Variants in ASB3 observed in about 807,000 individuals in gnomAD.
The protein encoded by ASB3 is ankyrin repeat and SOCS box containing 3.
ASB3 carries 41 observed loss-of-function variants against 54.5 expected under a neutral mutation model. That is an observed-to-expected ratio of 0.75 (90% CI 0.59 to 0.98). The LOEUF (loss-of-function observed/expected upper bound fraction) is 0.98. Ranked by LOEUF, ASB3 falls within the 50% of genes least tolerant of loss-of-function variation. ASB3 has a pLI of 0.00. For missense variants in ASB3, 733 were observed against 620.0 expected, an observed-to-expected ratio of 1.18 and a Z score of -1.94; for synonymous variants, 266 against 221.2, an observed-to-expected ratio of 1.20 and a Z score of -1.80.
At chr2:53,724,893 TAA>T (rs1670908755) in intron 5 of ASB3, among the ~76,000 whole-genome samples, 1 of 151,992 alleles carries the variant, frequency 6.6e-6, no homozygotes, top group African/African-American at 2.4e-5. Context: ...TCAAAGAACT[TAA>T]AACTACCATT....
chr2:53,689,534 T>C (rs141204617), intron 9 of ASB3, among the ~76,000 whole-genome samples: 117 of 152,346 alleles, frequency 7.7e-4, no homozygotes, highest in African/African-American at 2.7e-3. Flanking sequence ...TACAGACCAA[T>C]GATTCCTAAC....
chr2:53,767,642 AT>A (rs1673561815), intron 1 of ASB3: 2 of 514,990 alleles, frequency 3.9e-6, no homozygotes, highest in Non-Finnish European at 7.0e-6. Flanking sequence ...CTGCAAAAGA[AT>A]CCATTGCTTA....
chr2:53,671,201 T>TA (rs1219099271), intron 9 of ASB3, among the ~76,000 whole-genome samples: 1 of 152,260 alleles, frequency 6.6e-6, no homozygotes, highest in East Asian at 1.9e-4. Flanking sequence ...TAAGCCCATG[T>TA]ACTTCACTCA....
chr2:53,732,027 G>A (rs10191635), intron 3 of ASB3, among the ~76,000 whole-genome samples: 2,043 of 151,892 alleles, frequency 0.013, 52 homozygotes, highest in African/African-American at 0.047. Context: ...GCGCAAACTC[G>A]GCTTACTGCA....
chr2:53,721,050 G>A (rs1336252739), intron 5 of ASB3, among the ~76,000 whole-genome samples: 1 of 151,026 alleles, frequency 6.6e-6, no homozygotes, highest in African/African-American at 2.4e-5. Flanking sequence ...ACCAGGAGGG[G>A]GAGGTTGCAG....
intron 3 of ASB3, among the ~76,000 whole-genome samples, chr2:53,746,117 A>G (rs560957503): frequency 1.3e-4 from 20 of 151,838 alleles, no homozygotes; most frequent in South Asian, 8.4e-4. Context: ...CAAGACCCCA[A>G]CTCTACAAAA....
intron 9 of ASB3, among the ~76,000 whole-genome samples, chr2:53,693,414 C>G (rs530618081): frequency 4.6e-5 from 7 of 152,112 alleles, no homozygotes; most frequent in African/African-American, 1.7e-4. Context: ...TTATACCATA[C>G]CAACAGACTG....
At chr2:53,736,781 C>G (rs1310293595) in intron 3 of ASB3, among the ~76,000 whole-genome samples, 1 of 151,216 alleles carries the variant, frequency 6.6e-6, no homozygotes, top group Non-Finnish European at 1.5e-5. Flanking sequence ...GTGAGCAGAT[C>G]ACCTGAGGTC....
intron 1 of ASB3, chr2:53,767,981 T>G: frequency 6.2e-7 from 1 of 1,611,656 alleles, no homozygotes; most frequent in Non-Finnish European, 8.5e-7. Flanking sequence ...AGCAGGCGCT[T>G]CTGGCAGGGC....
chr2:53,700,840 G>A (rs929920674), intron 7 of ASB3, among the ~76,000 whole-genome samples: 3 of 152,088 alleles, frequency 2.0e-5, no homozygotes, highest in African/African-American at 7.2e-5. Context: ...GTACAAATGA[G>A]TATCTTTACT....
chr2:53,727,238 A>G (rs1671052885), intron 5 of ASB3, among the ~76,000 whole-genome samples: 1 of 152,230 alleles, frequency 6.6e-6, no homozygotes, highest in Non-Finnish European at 1.5e-5. Flanking sequence ...ATTATTTATA[A>G]CAGATGCCTT....
At chr2:53,776,646 C>G (rs182844925) in intron 1 of ASB3, among the ~76,000 whole-genome samples, 1 of 152,122 alleles carries the variant, frequency 6.6e-6, no homozygotes, top group East Asian at 1.9e-4. Context: ...CAGAAGAGCA[C>G]CATCTCTATA....
At chr2:53,745,093 G>A (rs1056586053) in intron 3 of ASB3, among the ~76,000 whole-genome samples, 1 of 152,088 alleles carries the variant, frequency 6.6e-6, no homozygotes, top group Non-Finnish European at 1.5e-5. Flanking sequence ...AAATAAAAAG[G>A]AAATCTATTT....
chr2:53,723,875 A>G lies in ASB3; in HGVS notation c.604+4837T>C, dbSNP rs143086551. Reference sequence around the variant, plus strand: ...ATAAACGGTGCTAGTATAGCTGGCTAGCTACATGTAGAAGAATGAAACTGG... The same window carrying G: ...ATAAACGGTGCTAGTATAGCTGGCTGGCTACATGTAGAAGAATGAAACTGG... On this transcript the variant is annotated intron_variant, in intron 5 of 9. Coordinates refer to ENST00000263634, the MANE Select transcript of ASB3 (RefSeq NM_016115.5). 2.5e-3 allele frequency among the ~76,000 whole-genome samples: 385 copies of G among 152,340 alleles called. 1 individual carries two copies. Among genetic ancestry groups the G allele is most frequent in the African/African-American group, 9.0e-3 (375 of 41,586 alleles).
chr2:53,694,612 A>G (rs1159059754), intron 8 of ASB3: 2 of 152,126 alleles, frequency 1.3e-5, no homozygotes, highest in East Asian at 3.9e-4. Context: ...TTCTTTCAAA[A>G]TAACGTCAGA....
At chr2:53,737,003 C>A (rs1224108900) in intron 3 of ASB3, among the ~76,000 whole-genome samples, 3 of 152,082 alleles carry the variant, frequency 2.0e-5, no homozygotes, top group African/African-American at 7.2e-5. Context: ...AAAAATATGT[C>A]TAAAAGAAGA....
At chr2:53,725,271 C>G (rs961433042) in intron 5 of ASB3, among the ~76,000 whole-genome samples, 2 of 152,130 alleles carry the variant, frequency 1.3e-5, no homozygotes, top group African/African-American at 4.8e-5. Context: ...ACAACAGATA[C>G]TGGGGACTAA....
At chr2:53,681,802 A>T (rs1324000882) in intron 9 of ASB3, among the ~76,000 whole-genome samples, 3 of 152,204 alleles carry the variant, frequency 2.0e-5, no homozygotes, top group Admixed American at 2.0e-4. Flanking sequence ...TGATTCCTCC[A>T]GTTTTGTTCT....
chr2:53,751,013 C>A, intron 2 of ASB3, 72 bp from the exon 3 acceptor site: 1 of 1,393,094 alleles, frequency 7.2e-7, no homozygotes, highest in Middle Eastern at 1.9e-4. Flanking sequence ...GCAAAGATTC[C>A]AAGAGGAATT....
Sources: allele counts gnomAD v4.1 joint callset (sites outside exome capture counted in the v4.1 genomes callset), GRCh38; gene constraint gnomAD v4.1.1; transcripts MANE v1.5; gene names NCBI Gene and HGNC (gene_info 2026-07-23, HGNC 2026-07-21).